The following AFF1 variants were observed in gnomAD, a reference collection of about 807,000 sequenced individuals.
AFF1 encodes ALF transcription elongation factor 1.
A neutral mutation model predicts 121.7 loss-of-function variants in AFF1; 48 were observed. The ratio of observed to expected loss-of-function variants is 0.39; its 90% CI spans 0.31 to 0.50. The LOEUF is 0.50. AFF1 is among the 20% of genes least tolerant of loss of function. The pLI is 0.76. For missense variants in AFF1, 1,523 were observed against 1,511.7 expected (o/e 1.01, Z -0.12); for synonymous variants, 613 against 563.0 (o/e 1.09, Z -1.26).
intron 8 of AFF1, among the ~76,000 whole-genome samples, chr4:87,096,535 TTTTTTC>T (rs1244800833): frequency 2.6e-5 from 4 of 151,370 alleles, no homozygotes; most frequent in Non-Finnish European, 5.9e-5. Context: ...CTTAGCCTCT[TTTTTTC>T]TTTTTCTTTT....
chr4:87,077,664 G>C (rs938160168), intron 4 of AFF1, among the ~76,000 whole-genome samples: 2 of 151,924 alleles, frequency 1.3e-5, no homozygotes, highest in Non-Finnish European at 2.9e-5. Flanking sequence ...TTTATGCATA[G>C]TAAGCAACTC....
chr4:87,071,190 T>C (rs900930943), intron 4 of AFF1, among the ~76,000 whole-genome samples: 1 of 151,334 alleles, frequency 6.6e-6, no homozygotes, highest in Non-Finnish European at 1.5e-5. Context: ...TTTTTTTTTT[T>C]AAATACAGGG....
chr4:87,139,227 T>G lies in AFF1; in HGVS notation c.*3526T>G. 4.3e-6 allele frequency: 1 copy of G among 232,550 alleles called. No individual in the cohort carries two copies. The allele number at this position is 232,550 out of a possible 1,614,324, so 14.4% of individuals were successfully genotyped here. On this transcript the variant is annotated 3_prime_UTR_variant, in exon 21 of 21. Transcript: ENST00000395146. ...ACCGCTGTGTTTGTTTCGCCATGGCTTCAGGGATGCTACATGGCTCTTGCA... is the reference window on the plus strand; with the variant it reads ...ACCGCTGTGTTTGTTTCGCCATGGCGTCAGGGATGCTACATGGCTCTTGCA...
At chr4:87,052,349 G>A (rs909640120) in intron 4 of AFF1, among the ~76,000 whole-genome samples, 2 of 152,164 alleles carry the variant, frequency 1.3e-5, no homozygotes, top group Non-Finnish European at 2.9e-5. Context: ...AGAGGCTGAG[G>A]TTGTAGGGAG....
intron 4 of AFF1, among the ~76,000 whole-genome samples, chr4:87,061,228 A>T (rs967340312): frequency 6.6e-6 from 1 of 152,194 alleles, no homozygotes; most frequent in Non-Finnish European, 1.5e-5. Flanking sequence ...AAGTATGCCC[A>T]TGGCTTTGGC....
chr4:87,105,634 C>T lies in AFF1; in HGVS notation c.1290C>T (p.Leu430=), dbSNP rs766127114. 2.2e-5 allele frequency: 35 copies of T among 1,613,990 alleles called. No homozygotes were observed. The East Asian group carries it at 3.1e-4, about 14-fold the overall frequency. Residue 430 remains leucine, a synonymous_variant, in exon 9 of 21, where the codon CTC becomes CTT. Coordinates refer to ENST00000395146, the MANE Select transcript of AFF1 (RefSeq NM_001166693.3). The part of the protein sequence containing the change: ...SNSQQGTSSM[L]EDDLQLSDSE... ...GTGTCCCTGCCCATTCCAGCATGCTCGAAGACGACCTTCAGCTCAGTGACA... is the reference window on the plus strand; with the variant it reads ...GTGTCCCTGCCCATTCCAGCATGCTTGAAGACGACCTTCAGCTCAGTGACA...
intron 6 of AFF1, among the ~76,000 whole-genome samples, chr4:87,090,560 CT>C (rs992336026): frequency 6.6e-6 from 1 of 151,904 alleles, no homozygotes; most frequent in Non-Finnish European, 1.5e-5. Context: ...TGCCATTCTC[CT>C]TTTTTTTAAT....
rs528418321 is a variant in AFF1 at position 86,944,998 on chromosome 4, C to G, written c.-36-3500C>G. Among the ~76,000 whole-genome samples, 4 of 152,312 alleles carry G rather than the reference C, an allele frequency of 2.6e-5. No homozygotes were observed. In the South Asian group the frequency reaches 6.2e-4, roughly 24 times the overall value. ...GAGAGGGAGGACTATAGAAAGGTCA[C>G]TTAGATAGTAATGTACATTCCTGCC... On this transcript the variant is annotated intron_variant, in intron 1 of 20. Transcript: ENST00000395146.
At chr4:86,996,952 C>G (rs1258548816) in intron 2 of AFF1, among the ~76,000 whole-genome samples, 2 of 152,126 alleles carry the variant, frequency 1.3e-5, no homozygotes, top group Admixed American at 6.6e-5. Context: ...TGCTCTGTTG[C>G]CCAGGCTGGA....
intron 8 of AFF1, among the ~76,000 whole-genome samples, chr4:87,099,626 C>A (rs1211972869): frequency 6.6e-6 from 1 of 152,200 alleles, no homozygotes; most frequent in Non-Finnish European, 1.5e-5. Context: ...CCAGGCTTGT[C>A]TTGAACTCCT....
intron 4 of AFF1, among the ~76,000 whole-genome samples, chr4:87,070,748 C>T (rs1227984760): frequency 6.6e-6 from 1 of 152,156 alleles, no homozygotes; most frequent in African/African-American, 2.4e-5. Context: ...AATAATTTTC[C>T]TTCAATACAG....
chr4:87,017,609 A>G (rs983743127), intron 2 of AFF1, among the ~76,000 whole-genome samples: 2 of 152,242 alleles, frequency 1.3e-5, no homozygotes, highest in Non-Finnish European at 2.9e-5. Flanking sequence ...CCTTTATTTT[A>G]TAATTGCAAA....
chr4:87,120,531 C>T (rs1727579934), intron 12 of AFF1, among the ~76,000 whole-genome samples: 1 of 152,236 alleles, frequency 6.6e-6, no homozygotes, highest in South Asian at 2.1e-4. Flanking sequence ...CATGCTGCCT[C>T]CTCCCAGTCC....
chr4:86,995,933 G>A (rs1400244865), intron 2 of AFF1, among the ~76,000 whole-genome samples: 1 of 150,310 alleles, frequency 6.7e-6, no homozygotes, highest in Non-Finnish European at 1.5e-5. Flanking sequence ...CGCCCCGTCC[G>A]GGATGTGAGG....
intron 12 of AFF1, among the ~76,000 whole-genome samples, chr4:87,118,321 A>G (rs928233781): frequency 2.0e-5 from 3 of 152,096 alleles, no homozygotes; most frequent in Non-Finnish European, 4.4e-5. Context: ...TTTTTTTACT[A>G]CTCTACAACA....
intron 11 of AFF1, among the ~76,000 whole-genome samples, chr4:87,110,994 C>CT: frequency 1.2e-5 from 1 of 86,640 alleles, no homozygotes; most frequent in African/African-American, 5.1e-5. Flanking sequence ...TCTACTTAAA[C>CT]TTTATTTTTT....
At chr4:87,063,847 C>T (rs568700780) in intron 4 of AFF1, among the ~76,000 whole-genome samples, 1 of 152,222 alleles carries the variant, frequency 6.6e-6, no homozygotes, top group East Asian at 1.9e-4. Context: ...GTATATTATC[C>T]ATCTTCAAGT....
intron 20 of AFF1, 52 bp from the exon 21 acceptor site, chr4:87,135,528 T>C: frequency 2.7e-6 from 4 of 1,456,166 alleles, no homozygotes; most frequent in Non-Finnish European, 3.6e-6. Flanking sequence ...TTTTAATTTT[T>C]GTGTGTGCTT....
chr4:87,084,519 A>G (rs1723502322), intron 5 of AFF1, among the ~76,000 whole-genome samples: 1 of 151,604 alleles, frequency 6.6e-6, no homozygotes, highest in African/African-American at 2.4e-5. Flanking sequence ...ACTGCACTCC[A>G]GCCTGGGCAA....
Sources: gnomAD v4.1 joint callset for allele counts (sites outside exome capture counted in the v4.1 genomes callset) on GRCh38, gnomAD v4.1.1 for gene constraint, MANE v1.5 for transcripts, NCBI Gene and HGNC (gene_info 2026-07-23, HGNC 2026-07-21) for gene names.